CNIH3: variants seen among roughly 807,000 people sequenced by gnomAD.
CNIH3 encodes protein cornichon homolog 3.
A neutral mutation model predicts 24.1 loss-of-function variants in CNIH3; 14 were observed. The observed-to-expected ratio is 0.58, with a 90% CI of 0.38 to 0.91. The LOEUF (loss-of-function observed/expected upper bound fraction) is 0.91, where lower values mean the gene tolerates loss of function less well. Among genes scored for constraint, CNIH3 ranks in the 40% least tolerant of loss-of-function variants. The probability of loss-of-function intolerance (pLI) is 0.00; values close to 1 mark genes in which losing one functional copy is unlikely to be tolerated. For missense variants in CNIH3, 178 were observed against 196.8 expected (o/e 0.90, Z 0.57); for synonymous variants, 68 against 73.8 (o/e 0.92, Z 0.40).
intron 2 of CNIH3, among the ~76,000 whole-genome samples, chr1:224,533,382 C>T (rs1285206201): frequency 3.0e-5 from 4 of 134,658 alleles, no homozygotes; most frequent in Admixed American, 7.2e-5. Flanking sequence ...AGTGAGAACC[C>T]GTCTCAAAAA....
chr1:224,703,447 A>G lies in CNIH3; in HGVS notation c.198+18604A>G, dbSNP rs1216573141. Among the ~76,000 whole-genome samples, 3 of 152,162 alleles carry G rather than the reference A, an allele frequency of 2.0e-5. No homozygotes were observed. The East Asian group carries it at 5.8e-4, about 29-fold the overall frequency. On this transcript the variant is annotated intron_variant, in intron 3 of 5. Coordinates refer to ENST00000272133, the MANE Select transcript of CNIH3 (RefSeq NM_152495.2). The surrounding 1 kb of genome is among the most constrained non-coding windows in gnomAD (Gnocchi z 4.2). ...ATTAAGTCATAATCTCTGGGGTGAG[A>G]CTCAGCATCAGTATTTTACAAAGCT...
chr1:224,734,749 A>G (rs780721728), intron 5 of CNIH3, 43 bp downstream of exon 5: 3 of 1,607,214 alleles, frequency 1.9e-6, no homozygotes, highest in Middle Eastern at 1.6e-4. Flanking sequence ...CCTGCAGCAA[A>G]AGGAAGAGAA....
intron 1 of CNIH3, among the ~76,000 whole-genome samples, chr1:224,462,851 T>G (rs963631915): frequency 6.6e-6 from 1 of 150,662 alleles, no homozygotes; most frequent in Non-Finnish European, 1.5e-5. Context: ...TCAAAACACC[T>G]AGGCTCAAGT....
intron 2 of CNIH3, among the ~76,000 whole-genome samples, chr1:224,531,329 C>G (rs868485808): frequency 2.0e-5 from 3 of 151,820 alleles, no homozygotes; most frequent in Non-Finnish European, 2.9e-5. Context: ...AAAACAGGGA[C>G]TCAGTGAGTC....
chr1:224,681,062 C>T, intron 2 of CNIH3, 36 bp downstream of exon 2: 1 of 1,564,670 alleles, frequency 6.4e-7, no homozygotes, highest in Non-Finnish European at 8.8e-7. Flanking sequence ...AAGGTGCTAT[C>T]ACCCCAGGCT....
chr1:224,531,481 C>T (rs1025104714), intron 2 of CNIH3, among the ~76,000 whole-genome samples: 2 of 152,130 alleles, frequency 1.3e-5, no homozygotes, highest in Non-Finnish European at 2.9e-5. Flanking sequence ...GTGGAATTAG[C>T]GAAGTGAAGC....
chr1:224,575,126 G>A, intron 4 of CNIH3: 1 of 933,614 alleles, frequency 1.1e-6, no homozygotes, highest in Non-Finnish European at 1.8e-6. Context: ...CTTCCCTCCT[G>A]GAAGATCCCA....
chr1:224,495,507 A>G (rs1310851741), intron 1 of CNIH3, among the ~76,000 whole-genome samples: 1 of 152,224 alleles, frequency 6.6e-6, no homozygotes, highest in Non-Finnish European at 1.5e-5. Context: ...CTGAGCCAAA[A>G]TAGTCTCTAC....
intron 1 of CNIH3, among the ~76,000 whole-genome samples, chr1:224,465,271 G>A (rs1037213542): frequency 6.6e-6 from 1 of 152,168 alleles, no homozygotes; most frequent in Non-Finnish European, 1.5e-5. Flanking sequence ...CACCACACCT[G>A]ACTGATTTTG....
At chr1:224,445,886 C>T (rs1268283079) in intron 1 of CNIH3, among the ~76,000 whole-genome samples, 1 of 152,202 alleles carries the variant, frequency 6.6e-6, no homozygotes, top group Non-Finnish European at 1.5e-5. Context: ...TTTTGCCTTT[C>T]ATGTTTATGT....
rs537994523 is a variant in CNIH3, at chr1:224,571,990, A to T, written n.516+5726A>T. ...TGGTCACTGCAGCATATCTGCACAG[A>T]CAATGTAAGACGTGGGGGTTAGTGG... On this transcript the variant is annotated intron_variant and non_coding_transcript_variant, in intron 4 of 5. Transcript: ENST00000471578. 2.3e-4 allele frequency among the ~76,000 whole-genome samples: 35 copies of T among 152,256 alleles called. No individual in the cohort carries two copies. In the South Asian group the frequency reaches 7.3e-3, roughly 32 times the overall value.
intron 1 of CNIH3, among the ~76,000 whole-genome samples, chr1:224,448,673 C>T (rs16848356): frequency 0.083 from 12,602 of 152,176 alleles, 1,665 homozygotes; most frequent in African/African-American, 0.28. Flanking sequence ...CCACGTGTAT[C>T]GTTATGAACA....
chr1:224,554,333 T>G (rs1008941078), intron 3 of CNIH3, among the ~76,000 whole-genome samples: 2 of 152,178 alleles, frequency 1.3e-5, no homozygotes, highest in African/African-American at 4.8e-5. Flanking sequence ...GATCCAAGTT[T>G]CTGTGAACAA....
At chr1:224,706,033 C>T (rs1262187933) in intron 3 of CNIH3, among the ~76,000 whole-genome samples, 1 of 151,962 alleles carries the variant, frequency 6.6e-6, no homozygotes, top group Non-Finnish European at 1.5e-5. Flanking sequence ...CTGCATTTTT[C>T]TTTCCGCAGC....
chr1:224,706,643 A>G (rs1320734182), intron 3 of CNIH3, among the ~76,000 whole-genome samples: 1 of 152,116 alleles, frequency 6.6e-6, no homozygotes, highest in Non-Finnish European at 1.5e-5. Flanking sequence ...TGTCTCTTTA[A>G]TGGAAAAGCT....
intron 5 of CNIH3, among the ~76,000 whole-genome samples, chr1:224,736,151 G>A (rs1689580063): frequency 6.6e-6 from 1 of 151,748 alleles, no homozygotes; most frequent in Admixed American, 6.6e-5. Context: ...TTTTTTTGAG[G>A]GTATCACTCT....
At chr1:224,517,611 C>T (rs1198105149) in intron 1 of CNIH3, among the ~76,000 whole-genome samples, 1 of 151,972 alleles carries the variant, frequency 6.6e-6, no homozygotes, top group Non-Finnish European at 1.5e-5. Context: ...AGTGTGTAGT[C>T]TTTTATCCCT....
rs1449669539 is a variant in CNIH3 at position 224,703,463 on chromosome 1, T to A, written c.198+18620T>A. Among the ~76,000 whole-genome samples the A allele has an allele frequency of 6.6e-6, 1 of 152,156 alleles. No individual in the cohort carries two copies. The highest frequency in any genetic ancestry group is 1.5e-5 in the Non-Finnish European group (1 of 68,016). ...TGGGGTGAGACTCAGCATCAGTATT[T>A]TACAAAGCTCCCCAAGTGACTCCAC... On this transcript the variant is annotated intron_variant, in intron 3 of 5. Coordinates refer to ENST00000272133, the MANE Select transcript of CNIH3 (RefSeq NM_152495.2). The surrounding 1 kb of genome is among the most constrained non-coding windows in gnomAD (Gnocchi z 4.2).
chr1:224,476,213 T>A (rs985628178), intron 1 of CNIH3, among the ~76,000 whole-genome samples: 1 of 152,196 alleles, frequency 6.6e-6, no homozygotes, highest in African/African-American at 2.4e-5. Flanking sequence ...TTCACCACTG[T>A]TATTCAAGTC....
Sources: gnomAD v4.1 joint callset for allele counts (sites outside exome capture counted in the v4.1 genomes callset) on GRCh38, gnomAD v4.1.1 for gene constraint, Gnocchi (gnomAD v3.1) non-coding constraint, MANE v1.5 for transcripts, NCBI Gene and HGNC (gene_info 2026-07-23, HGNC 2026-07-21) for gene names.